ANKS1B: variants seen among roughly 807,000 people sequenced by gnomAD.
ANKS1B encodes ankyrin repeat and sterile alpha motif domain containing 1B.
ANKS1B carries 36 observed loss-of-function variants against 148.3 expected under a neutral mutation model. That is an observed-to-expected ratio of 0.24 (90% CI 0.19 to 0.32). The LOEUF is 0.32. Among genes scored for constraint, ANKS1B ranks in the 10% least tolerant of loss-of-function variants. The pLI is 1.00. For missense variants in ANKS1B, 1,157 were observed against 1,542.6 expected, an observed-to-expected ratio of 0.75 and a Z score of 4.19; for synonymous variants, 542 against 560.8, an observed-to-expected ratio of 0.97 and a Z score of 0.47.
rs558580368 is a variant in ANKS1B, at chr12:98,751,577, T to C, written c.3580-55A>G. 1.2e-4 allele frequency: 187 copies of C among 1,564,998 alleles called. 1 individual carries two copies. In the South Asian group the frequency reaches 1.4e-3, roughly 12 times the overall value. On this transcript the variant is annotated intron_variant, in intron 25 of 26. Transcript: ENST00000683438. The surrounding 1 kb of genome is among the most constrained non-coding windows in gnomAD (Gnocchi z 4.3). ...CTGGCACACTGCAAATTAGAATGGGTCGAATGGCTGAGGAACACTGAGGGA... is the reference window on the plus strand; with the variant it reads ...CTGGCACACTGCAAATTAGAATGGGCCGAATGGCTGAGGAACACTGAGGGA...
At chr12:99,805,539 A>T (rs979006360) in intron 4 of ANKS1B, among the ~76,000 whole-genome samples, 2 of 152,048 alleles carry the variant, frequency 1.3e-5, no homozygotes, top group African/African-American at 4.8e-5. Context: ...AGGCAGGAGG[A>T]TCACTTGAGC....
chr12:99,814,040 T>C (rs535579329), intron 2 of ANKS1B, among the ~76,000 whole-genome samples: 48 of 151,880 alleles, frequency 3.2e-4, no homozygotes, highest in African/African-American at 9.6e-4. Context: ...CTGTATCTAT[T>C]GTGTTAAAAT....
intron 2 of ANKS1B, among the ~76,000 whole-genome samples, chr12:99,818,079 A>C (rs2082091526): frequency 6.6e-6 from 1 of 151,866 alleles, no homozygotes; most frequent in African/African-American, 2.4e-5. Flanking sequence ...TAAAACTATG[A>C]AACTAGTAGG....
At chr12:99,248,461 C>T (rs891627491) in intron 12 of ANKS1B, among the ~76,000 whole-genome samples, 5 of 152,216 alleles carry the variant, frequency 3.3e-5, no homozygotes, top group African/African-American at 1.2e-4. Flanking sequence ...CAACAATCTG[C>T]ATCCATCTAC....
At chr12:99,494,664 C>G (rs1038978754) in intron 10 of ANKS1B, among the ~76,000 whole-genome samples, 2 of 128,174 alleles carry the variant, frequency 1.6e-5, no homozygotes, top group East Asian at 5.2e-4. Context: ...ACCTGGGAGG[C>G]GGAGCTTGTA....
At chr12:98,784,591 G>A (rs2098771727) in intron 22 of ANKS1B, among the ~76,000 whole-genome samples, 1 of 152,108 alleles carries the variant, frequency 6.6e-6, no homozygotes, top group Admixed American at 6.5e-5. Flanking sequence ...AGAAAATGGT[G>A]GCAGCAGCTG....
chr12:98,766,355 T>G (rs1455752336), intron 25 of ANKS1B, among the ~76,000 whole-genome samples: 3 of 152,226 alleles, frequency 2.0e-5, no homozygotes, highest in African/African-American at 7.2e-5. Flanking sequence ...CATTTGCTCC[T>G]CTTAGGAGCT....
At chr12:98,858,707 T>C (rs1037825020) in intron 17 of ANKS1B, among the ~76,000 whole-genome samples, 6 of 152,080 alleles carry the variant, frequency 3.9e-5, no homozygotes, top group African/African-American at 1.4e-4. Flanking sequence ...GGTTAGAGTA[T>C]ATGTTGCTAA....
chr12:99,449,473 T>C (rs2152814611), intron 10 of ANKS1B, among the ~76,000 whole-genome samples: 1 of 152,282 alleles, frequency 6.6e-6, no homozygotes, highest in Non-Finnish European at 1.5e-5. Context: ...TAACACTAGA[T>C]CATTTATTTA....
At chr12:99,517,384 C>T (rs955513889) in intron 9 of ANKS1B, among the ~76,000 whole-genome samples, 2 of 151,850 alleles carry the variant, frequency 1.3e-5, no homozygotes, top group Admixed American at 6.6e-5. Context: ...CTAAATTTAT[C>T]AATTCTCATT....
chr12:99,390,272 C>T (rs2094012331), intron 12 of ANKS1B, among the ~76,000 whole-genome samples: 1 of 152,154 alleles, frequency 6.6e-6, no homozygotes, highest in Non-Finnish European at 1.5e-5. Flanking sequence ...ATATTTCCAT[C>T]TTCAAATTGT....
intron 9 of ANKS1B, among the ~76,000 whole-genome samples, chr12:99,633,791 A>G (rs1002752857): frequency 6.6e-6 from 1 of 152,190 alleles, no homozygotes; most frequent in Admixed American, 6.5e-5. Context: ...AATTTACAAG[A>G]AAAAAACAAC....
chr12:99,820,504 T>C (rs1294500728), intron 2 of ANKS1B, among the ~76,000 whole-genome samples: 1 of 151,958 alleles, frequency 6.6e-6, no homozygotes, highest in East Asian at 1.9e-4. Context: ...GGAAAAAATC[T>C]AGAGCAGATG....
At chr12:99,481,419 C>T (rs910086626) in intron 10 of ANKS1B, among the ~76,000 whole-genome samples, 3 of 151,822 alleles carry the variant, frequency 2.0e-5, no homozygotes, top group African/African-American at 7.2e-5. Context: ...TTATATACTA[C>T]ATTTTCTTTA....
In ANKS1B at chr12:99,555,394, GT is replaced by G. The variant is rs148324651; in HGVS notation, c.1273-50754del. Among the ~76,000 whole-genome samples, 229 of 152,252 alleles carry G rather than the reference GT, an allele frequency of 1.5e-3. 1 individual carries two copies. The highest frequency in any genetic ancestry group is 6.8e-3 in the Middle Eastern group (2 of 294). ...AATCACACACCTTCAAACAGAAATA[GT>G]TTTACTTTTTCTCTTTTTATTTGGA... On this transcript the variant is annotated intron_variant, in intron 9 of 26. Transcript: ENST00000683438.
At position 99,884,272 on chromosome 12, in the gene ANKS1B, T is replaced by C. The variant is rs548861968; in HGVS notation, c.135-58883A>G. 7.4e-4 allele frequency among the ~76,000 whole-genome samples: 112 copies of C among 152,274 alleles called. 1 individual carries two copies. Among genetic ancestry groups the C allele is most frequent in the African/African-American group, 2.7e-3 (111 of 41,566 alleles). ...AGACAACTGCAGGTATTAGCAAGTA[T>C]GCAGAGCCATTGGAACTCTGAAACA... On this transcript the variant is annotated intron_variant, in intron 1 of 26. Transcript: ENST00000683438.
At chr12:99,751,810 CTA>C (rs1477095012) in intron 8 of ANKS1B, among the ~76,000 whole-genome samples, 1 of 151,950 alleles carries the variant, frequency 6.6e-6, no homozygotes, top group Non-Finnish European at 1.5e-5. Context: ...CATTGGGACT[CTA>C]TATTATAAAA....
At chr12:99,545,654 G>A (rs538203468) in intron 9 of ANKS1B, among the ~76,000 whole-genome samples, 1 of 151,556 alleles carries the variant, frequency 6.6e-6, no homozygotes, top group African/African-American at 2.4e-5. Flanking sequence ...AAGAACTAAC[G>A]GAAGCCCTTC....
chr12:99,339,003 G>A (rs1231153285), intron 12 of ANKS1B, among the ~76,000 whole-genome samples: 1 of 152,274 alleles, frequency 6.6e-6, no homozygotes, highest in South Asian at 2.1e-4. Flanking sequence ...TGGGCTGGGT[G>A]AGGAGTGGTG....
Sources: allele counts gnomAD v4.1 joint callset (sites outside exome capture counted in the v4.1 genomes callset), GRCh38; gene constraint gnomAD v4.1.1; non-coding constraint Gnocchi (gnomAD v3.1); transcripts MANE v1.5; gene names NCBI Gene and HGNC (gene_info 2026-07-23, HGNC 2026-07-21).